SEMA5A: variants seen among roughly 807,000 people sequenced by gnomAD.
SEMA5A encodes semaphorin-5A.
A neutral mutation model predicts 135.5 loss-of-function variants in SEMA5A; 55 were observed. The observed-to-expected ratio is 0.41, with a 90% confidence interval of 0.33 to 0.51. The LOEUF is 0.51. Among genes scored for constraint, SEMA5A ranks in the 20% least tolerant of loss-of-function variants. SEMA5A has a pLI of 0.37. For synonymous variants in SEMA5A, 580 were observed against 546.5 expected, an observed-to-expected ratio of 1.06 and a Z score of -0.85; for missense variants, 1,290 against 1,419.9, an observed-to-expected ratio of 0.91 and a Z score of 1.47.
At chr5:9,314,154 C>G (rs769602836) in intron 5 of SEMA5A, among the ~76,000 whole-genome samples, 2 of 151,956 alleles carry the variant, frequency 1.3e-5, no homozygotes, top group Non-Finnish European at 2.9e-5. Context: ...AAAATATTAA[C>G]CTGAGATATA....
At chr5:9,374,051 G>A (rs1274643193) in intron 3 of SEMA5A, among the ~76,000 whole-genome samples, 1 of 152,164 alleles carries the variant, frequency 6.6e-6, no homozygotes, top group African/African-American at 2.4e-5. Context: ...TATTGGAATA[G>A]ACATTTAAAC....
chr5:9,405,789 C>G (rs1756861470), intron 2 of SEMA5A, among the ~76,000 whole-genome samples: 1 of 152,192 alleles, frequency 6.6e-6, no homozygotes, highest in East Asian at 1.9e-4. Context: ...TTCCATATCA[C>G]TTATTACTCC....
At chr5:9,054,345 G>A (rs1736771164) in intron 18 of SEMA5A, 88 bp from the exon 19 acceptor site, 1 of 1,480,544 alleles carries the variant, frequency 6.8e-7, no homozygotes, top group African/African-American at 1.4e-5. Context: ...AGTGGATTCT[G>A]TTTAGTAAGG....
At chr5:9,462,271 G>A (rs1759085890) in intron 1 of SEMA5A, among the ~76,000 whole-genome samples, 1 of 152,086 alleles carries the variant, frequency 6.6e-6, no homozygotes, top group African/African-American at 2.4e-5. Flanking sequence ...AAACCACAAT[G>A]AGATACCACC....
chr5:9,183,982 G>A (rs768055575), intron 11 of SEMA5A, among the ~76,000 whole-genome samples: 14 of 152,130 alleles, frequency 9.2e-5, no homozygotes, highest in Non-Finnish European at 1.6e-4. Flanking sequence ...GGTATTGAGT[G>A]TTCCCCTATT....
intron 1 of SEMA5A, among the ~76,000 whole-genome samples, chr5:9,511,809 T>C (rs568581958): frequency 3.5e-4 from 53 of 152,284 alleles, no homozygotes; most frequent in Middle Eastern, 3.4e-3. Context: ...ACACTATAAA[T>C]ATATATAACT....
intron 3 of SEMA5A, among the ~76,000 whole-genome samples, chr5:9,352,291 G>A (rs73050571): frequency 0.01 from 1,546 of 152,088 alleles, 26 homozygotes; most frequent in African/African-American, 0.035. Flanking sequence ...CTACCAATCT[G>A]ATATATCTTT....
At chr5:9,225,839 G>A (rs917552225) in intron 7 of SEMA5A, among the ~76,000 whole-genome samples, 2 of 152,208 alleles carry the variant, frequency 1.3e-5, no homozygotes, top group Non-Finnish European at 1.5e-5. Context: ...TGGAATCTTT[G>A]CTCAATTTGG....
chr5:9,106,896 T>C (rs1212469728), intron 16 of SEMA5A, among the ~76,000 whole-genome samples: 2 of 152,166 alleles, frequency 1.3e-5, no homozygotes, highest in African/African-American at 4.8e-5. Context: ...ATCTTTTCCA[T>C]TGTGAAGGGG....
At chr5:9,488,189 G>A (rs970814329) in intron 1 of SEMA5A, among the ~76,000 whole-genome samples, 4 of 152,110 alleles carry the variant, frequency 2.6e-5, no homozygotes, top group African/African-American at 7.2e-5. Context: ...TTGCCTGTGA[G>A]GCTATTCAGT....
chr5:9,140,530 C>A (rs111314064), intron 12 of SEMA5A, among the ~76,000 whole-genome samples: 2 of 152,284 alleles, frequency 1.3e-5, no homozygotes, highest in Non-Finnish European at 2.9e-5. Flanking sequence ...GTGGGGTGAG[C>A]GCTAAGAGTC....
At chr5:9,151,451 A>G (rs929561312) in intron 12 of SEMA5A, among the ~76,000 whole-genome samples, 2 of 152,328 alleles carry the variant, frequency 1.3e-5, no homozygotes, top group South Asian at 4.1e-4. Flanking sequence ...TTGTTTTCCT[A>G]TTCCTATTTA....
chr5:9,116,879 C>A (rs1579423729), intron 15 of SEMA5A, among the ~76,000 whole-genome samples: 1 of 152,128 alleles, frequency 6.6e-6, no homozygotes, highest in Non-Finnish European at 1.5e-5. Context: ...GCAGAGACAT[C>A]TAAGAACCTA....
intron 8 of SEMA5A, among the ~76,000 whole-genome samples, chr5:9,209,732 C>A (rs1362874015): frequency 6.6e-6 from 1 of 152,124 alleles, no homozygotes; most frequent in Non-Finnish European, 1.5e-5. Context: ...AGCCGACTTC[C>A]CAATATGTGG....
chr5:9,216,919 T>C (rs186455679), intron 8 of SEMA5A, among the ~76,000 whole-genome samples: 14 of 152,330 alleles, frequency 9.2e-5, no homozygotes, highest in African/African-American at 3.4e-4. Context: ...CTATTGAGTC[T>C]TGCCTCTTTC....
chr5:9,389,842 A>G (rs902321041), intron 2 of SEMA5A, among the ~76,000 whole-genome samples: 1 of 152,190 alleles, frequency 6.6e-6, no homozygotes. Context: ...GTTGATTCTT[A>G]TTCCTGTTAC....
intron 2 of SEMA5A, among the ~76,000 whole-genome samples, chr5:9,409,860 ACT>A (rs1485306723): frequency 2.8e-5 from 3 of 105,278 alleles, no homozygotes; most frequent in East Asian, 3.5e-4. Flanking sequence ...ACTTTGGAAA[ACT>A]CTGTGGTTTT....
chr5:9,455,775 C>G (rs984173896), intron 1 of SEMA5A, among the ~76,000 whole-genome samples: 2 of 152,080 alleles, frequency 1.3e-5, no homozygotes, highest in East Asian at 3.8e-4. Context: ...AAAACAAGGA[C>G]GTGTGTATAA....
chr5:9,097,526 G>C (rs1739386680), intron 16 of SEMA5A, among the ~76,000 whole-genome samples: 1 of 152,194 alleles, frequency 6.6e-6, no homozygotes, highest in Non-Finnish European at 1.5e-5. Flanking sequence ...ATTTTAGAAA[G>C]GTATTGGAAA....
Sources: gnomAD v4.1 joint callset for allele counts (sites outside exome capture counted in the v4.1 genomes callset) on GRCh38, gnomAD v4.1.1 for gene constraint, MANE v1.5 for transcripts, NCBI Gene and HGNC (gene_info 2026-07-23, HGNC 2026-07-21) for gene names.